KIAA1217: variants seen among roughly 807,000 people sequenced by gnomAD.
The protein encoded by KIAA1217 is KIAA1217.
A neutral mutation model predicts 163.9 loss-of-function variants in KIAA1217; 88 were observed. That is an observed-to-expected ratio of 0.54 (90% CI 0.45 to 0.64). The LOEUF is 0.64. Among genes scored for constraint, KIAA1217 ranks in the 30% least tolerant of loss-of-function variants. The pLI is 0.00. For synonymous variants in KIAA1217, 903 were observed against 923.1 expected (o/e 0.98, Z 0.39); for missense variants, 2,372 against 2,475.0 (o/e 0.96, Z 0.88).
In KIAA1217 at chr10:24,492,907, G is replaced by A. The variant is rs367695437; in HGVS notation, c.1680-1593G>A. On this transcript the variant is annotated intron_variant, in intron 6 of 20. Transcript: ENST00000376454. The stretch of plus-strand genomic sequence containing the variant: ...GTCACCCAGGATGGAGTGCAGTGGC[G>A]CGATCTCAGCTCACTGTAGCCTCCA... Among the ~76,000 whole-genome samples, 8 of 151,730 alleles carry A rather than the reference G, an allele frequency of 5.3e-5. No individual in the cohort carries two copies. The East Asian group carries it at 5.8e-4, about 11-fold the overall frequency.
At chr10:24,190,914 C>T (rs536479348) in intron 2 of KIAA1217, among the ~76,000 whole-genome samples, 57 of 151,840 alleles carry the variant, frequency 3.8e-4, no homozygotes, top group African/African-American at 1.2e-3. Flanking sequence ...TGATCAGAGG[C>T]GGGGCTCGGT....
Position 24,520,627 on chromosome 10 carries a change from CAAAAAAAAAA to C in KIAA1217, c.2308+390_2308+399del, listed in dbSNP as rs71472812. Among the ~76,000 whole-genome samples, 328 of 44,902 alleles carry C rather than the reference CAAAAAAAAAA, an allele frequency of 7.3e-3. 2 individuals carry two copies. Among genetic ancestry groups the C allele is most frequent in the Admixed American group, 0.02 (50 of 2,452 alleles). 29.5% of individuals were successfully genotyped at this position (44,902 alleles called of 152,430 possible). ...AATATAGAGAGACTCACATCTCTACCAAAAAAAAAAAAAAAAAAAAAAAAATATATATATA... is the reference window on the plus strand; with the variant it reads ...AATATAGAGAGACTCACATCTCTACCAAAAAAAAAAAAAAATATATATATA... On this transcript the variant is annotated intron_variant, in intron 11 of 20. Coordinates refer to ENST00000376454, the MANE Select transcript of KIAA1217 (RefSeq NM_019590.5).
intron 1 of KIAA1217, among the ~76,000 whole-genome samples, chr10:23,772,865 G>A (rs948404637): frequency 3.4e-4 from 52 of 152,056 alleles, no homozygotes; most frequent in African/African-American, 1.1e-3. Flanking sequence ...ATCGCTTCTC[G>A]GCCTTTTGGC....
rs1313663882 is a variant in KIAA1217 at position 24,546,421 on chromosome 10, A to G, written c.*97A>G. On this transcript the variant is annotated 3_prime_UTR_variant, in exon 21 of 21. Transcript: ENST00000376454. ...ACAAGAGAATGTAACATATTGCTGTATCGTTTGAGGCTTAATGCTAAATAT... is the reference window on the plus strand; with the variant it reads ...ACAAGAGAATGTAACATATTGCTGTGTCGTTTGAGGCTTAATGCTAAATAT... 2 of 1,224,012 alleles carry G rather than the reference A, an allele frequency of 1.6e-6. No homozygotes were observed. The highest frequency in any genetic ancestry group is 2.3e-6 in the Non-Finnish European group (2 of 885,188). 75.8% of individuals were successfully genotyped at this position (1,224,012 alleles called of 1,614,324 possible).
chr10:23,923,234 G>C (rs1319052192), intron 1 of KIAA1217, among the ~76,000 whole-genome samples: 1 of 152,172 alleles, frequency 6.6e-6, no homozygotes, highest in Non-Finnish European at 1.5e-5. Flanking sequence ...TAGAATAACG[G>C]TCACCGGTTC....
rs546070287 is a variant in KIAA1217, at chr10:24,199,656, T to C, written c.-170-19970T>C. Reference sequence around the variant, plus strand: ...CCAATGGCAATTTTTAACTATGGAATTGAAACCTTTGAAAAGATAAGACAA... The same window carrying C: ...CCAATGGCAATTTTTAACTATGGAACTGAAACCTTTGAAAAGATAAGACAA... On this transcript the variant is annotated intron_variant, in intron 2 of 18. Coordinates refer to the KIAA1217 transcript ENST00000376462. Among the ~76,000 whole-genome samples the C allele has an allele frequency of 1.2e-3, 184 of 152,356 alleles. 1 individual carries two copies. Among genetic ancestry groups the C allele is most frequent in the African/African-American group, 4.1e-3 (170 of 41,584 alleles).
intron 2 of KIAA1217, among the ~76,000 whole-genome samples, chr10:24,162,020 A>T (rs1425679536): frequency 6.6e-6 from 1 of 152,230 alleles, no homozygotes; most frequent in Non-Finnish European, 1.5e-5. Flanking sequence ...GGTATATCTG[A>T]GGTGCTCAGT....
At chr10:23,997,687 T>C (rs972887521) in intron 1 of KIAA1217, among the ~76,000 whole-genome samples, 5 of 152,194 alleles carry the variant, frequency 3.3e-5, no homozygotes, top group African/African-American at 1.2e-4. Context: ...GTAACAGACC[T>C]GGGCCTTTCA....
chr10:24,183,671 T>C (rs1326680586), intron 2 of KIAA1217, among the ~76,000 whole-genome samples: 1 of 152,204 alleles, frequency 6.6e-6, no homozygotes, highest in Non-Finnish European at 1.5e-5. Context: ...AGCCTCTTCT[T>C]GGTTATTCTT....
At chr10:23,879,939 A>G (rs1225643394) in intron 1 of KIAA1217, among the ~76,000 whole-genome samples, 1 of 151,896 alleles carries the variant, frequency 6.6e-6, no homozygotes, top group Admixed American at 6.6e-5. Flanking sequence ...CAGTTGCTCC[A>G]CATAACAGGA....
At chr10:24,216,827 C>CA (rs199499926) in intron 1 of KIAA1217, among the ~76,000 whole-genome samples, 2,242 of 55,510 alleles carry the variant, frequency 0.04, 80 homozygotes, top group African/African-American at 0.12. Flanking sequence ...ACTCTGTGTC[C>CA]AAAAAAAAAA....
chr10:24,329,150 T>TA (rs1279427171), intron 2 of KIAA1217, among the ~76,000 whole-genome samples: 2 of 147,934 alleles, frequency 1.4e-5, no homozygotes, highest in African/African-American at 2.5e-5. Flanking sequence ...AATATATACA[T>TA]AGTTTATATT....
intron 1 of KIAA1217, among the ~76,000 whole-genome samples, chr10:23,993,553 C>G (rs1365930184): frequency 1.5e-5 from 1 of 68,956 alleles, no homozygotes; most frequent in African/African-American, 8.4e-5. Flanking sequence ...CATAGCCCAG[C>G]TTTTTTTTTT....
intron 1 of KIAA1217, among the ~76,000 whole-genome samples, chr10:23,923,606 G>A (rs1313782236): frequency 6.6e-6 from 1 of 151,070 alleles, no homozygotes; most frequent in Non-Finnish European, 1.5e-5. Flanking sequence ...GGAGAGATGT[G>A]TCGGAAGAAG....
rs113750586 is a variant in KIAA1217, at chr10:24,304,886, T to G, written c.355-75983T>G. 9.2e-4 allele frequency among the ~76,000 whole-genome samples: 140 copies of G among 152,140 alleles called. 2 individuals are homozygous for G. The highest frequency in any genetic ancestry group is 3.2e-3 in the African/African-American group (134 of 41,492). ...TGATGCAGGGCAGATGACTGGCAGG[T>G]AATGAAGGTACTTATGGGCTATGCT... On this transcript the variant is annotated intron_variant, in intron 2 of 20. Coordinates refer to ENST00000376454, the MANE Select transcript of KIAA1217 (RefSeq NM_019590.5).
chr10:23,776,025 C>T (rs1261329349), intron 1 of KIAA1217, among the ~76,000 whole-genome samples: 2 of 152,140 alleles, frequency 1.3e-5, no homozygotes, highest in Non-Finnish European at 2.9e-5. Flanking sequence ...CACAGAGTCA[C>T]ATAAAGAACT....
chr10:23,930,366 T>C (rs1439754717), intron 1 of KIAA1217, among the ~76,000 whole-genome samples: 2 of 152,222 alleles, frequency 1.3e-5, no homozygotes, highest in African/African-American at 2.4e-5. Flanking sequence ...TGTCATCTTA[T>C]ATAGTTATTA....
In KIAA1217 at chr10:24,337,590, T is replaced by TTTTTCTTTTC. The variant is rs774132476; in HGVS notation, c.355-43224_355-43215dup. Among the ~76,000 whole-genome samples the TTTTTCTTTTC allele has an allele frequency of 8.4e-3, 1,129 of 134,428 alleles. 15 individuals are homozygous for TTTTTCTTTTC. The highest frequency in any genetic ancestry group is 0.014 in the Admixed American group (167 of 12,300). 88.2% of individuals were successfully genotyped at this position (134,428 alleles called of 152,430 possible). A position where few individuals can be genotyped will look rare whatever the true frequency, so the allele number is the denominator to read the frequency against. On this transcript the variant is annotated intron_variant, in intron 2 of 20. Transcript: ENST00000376454. ...TGCTTTGTTTTTGTTTTGTGTGGTT[T>TTTTTCTTTTC]TTTTCTTTTCTTTTCTTTTCTTTTC...
intron 14 of KIAA1217, among the ~76,000 whole-genome samples, chr10:24,529,757 C>T (rs1343368803): frequency 6.6e-6 from 1 of 151,560 alleles, no homozygotes; most frequent in East Asian, 1.9e-4. Flanking sequence ...TCACAGTCCC[C>T]GTGGAGAATT....
Sources: allele counts gnomAD v4.1 joint callset (sites outside exome capture counted in the v4.1 genomes callset), GRCh38; gene constraint gnomAD v4.1.1; transcripts MANE v1.5; gene names NCBI Gene and HGNC (gene_info 2026-07-23, HGNC 2026-07-21).